HIVEP3: variants seen among roughly 807,000 people sequenced by gnomAD.
The protein encoded by HIVEP3 is HIVEP zinc finger 3, also known as transcription factor HIVEP3.
A neutral mutation model predicts 152.8 loss-of-function variants in HIVEP3; 49 were observed. That is an observed-to-expected ratio of 0.32 (90% CI 0.26 to 0.41). HIVEP3 has a LOEUF of 0.41. HIVEP3 is among the 10% of genes least tolerant of loss of function. The pLI is 1.00. For synonymous variants in HIVEP3, 1,269 were observed against 1,289.0 expected, an observed-to-expected ratio of 0.98 and a Z score of 0.33; for missense variants, 2,790 against 3,103.3, an observed-to-expected ratio of 0.90 and a Z score of 2.40.
intron 2 of HIVEP3, among the ~76,000 whole-genome samples, chr1:41,671,728 C>G (rs531828511): frequency 1.3e-5 from 2 of 152,228 alleles, no homozygotes; most frequent in Non-Finnish European, 2.9e-5. Flanking sequence ...AAGAATTCAT[C>G]CCAGGTGAGT....
chr1:41,696,209 G>A (rs1184990586), intron 2 of HIVEP3, among the ~76,000 whole-genome samples: 1 of 152,246 alleles, frequency 6.6e-6, no homozygotes, highest in Non-Finnish European at 1.5e-5. Context: ...AATGTCTTGG[G>A]AAGTCTCTCT....
At chr1:41,798,188 A>C (rs1650093352) in intron 1 of HIVEP3, among the ~76,000 whole-genome samples, 1 of 152,088 alleles carries the variant, frequency 6.6e-6, no homozygotes, top group Non-Finnish European at 1.5e-5. Flanking sequence ...TACCTAATGT[A>C]AATGACGAGT....
intron 1 of HIVEP3, among the ~76,000 whole-genome samples, chr1:41,904,759 G>A (rs1050186074): frequency 2.0e-5 from 3 of 152,244 alleles, no homozygotes; most frequent in Admixed American, 1.3e-4. Context: ...TTCTTCAAGA[G>A]AGAAAATGGC....
At chr1:41,593,936 A>G (rs1000867006) in intron 3 of HIVEP3, among the ~76,000 whole-genome samples, 6 of 152,144 alleles carry the variant, frequency 3.9e-5, no homozygotes, top group African/African-American at 1.2e-4. Flanking sequence ...TCCTTGGCTC[A>G]TGGAAGGCTC....
chr1:41,611,190 A>G (rs2149132827), intron 3 of HIVEP3, among the ~76,000 whole-genome samples: 1 of 152,340 alleles, frequency 6.6e-6, no homozygotes, highest in African/African-American at 2.4e-5. Flanking sequence ...GAATGGATGA[A>G]TAAACAAACG....
intron 1 of HIVEP3, among the ~76,000 whole-genome samples, chr1:41,711,309 G>A (rs1020324365): frequency 6.6e-6 from 1 of 152,246 alleles, no homozygotes; most frequent in Non-Finnish European, 1.5e-5. Context: ...TGCAAATGCA[G>A]AGCCCATGGC....
chr1:41,526,919 ACACCCTCACATGCT>A (rs1364062001), intron 5 of HIVEP3, among the ~76,000 whole-genome samples: 2 of 130,880 alleles, frequency 1.5e-5, no homozygotes, highest in Admixed American at 7.8e-5. Flanking sequence ...ATCTCCACAC[ACACCCTCACATGCT>A]CACCCTCACA....
In HIVEP3 at chr1:41,808,095, AC is replaced by A. The variant is rs149554614; in HGVS notation, c.-800-107101del. 6.4e-4 allele frequency among the ~76,000 whole-genome samples: 98 copies of A among 152,096 alleles called. 1 individual carries two copies. The East Asian group carries it at 0.018, about 28-fold the overall frequency. ...TTGTCCTAAGCACTTCATAAACACT[AC>A]CCCCATTTAATCTTCACAACAACCC... On this transcript the variant is annotated intron_variant, in intron 1 of 8. Coordinates refer to ENST00000372583, the MANE Select transcript of HIVEP3 (RefSeq NM_024503.5).
At chr1:41,840,084 C>T (rs1003643934) in intron 1 of HIVEP3, among the ~76,000 whole-genome samples, 1 of 152,156 alleles carries the variant, frequency 6.6e-6, no homozygotes, top group Non-Finnish European at 1.5e-5. Flanking sequence ...GAATCCTGAG[C>T]CTGGCTCTCG....
chr1:41,751,611 T>G (rs1647164866), intron 1 of HIVEP3, among the ~76,000 whole-genome samples: 3 of 152,116 alleles, frequency 2.0e-5, no homozygotes, highest in Admixed American at 6.5e-5. Context: ...TTCTTCAACC[T>G]TTCCCCTGTC....
At chr1:41,826,779 G>T (rs570947179) in intron 1 of HIVEP3, among the ~76,000 whole-genome samples, 1 of 152,222 alleles carries the variant, frequency 6.6e-6, no homozygotes, top group African/African-American at 2.4e-5. Context: ...AACCTGTATT[G>T]CTTTAATAAA....
intron 1 of HIVEP3, among the ~76,000 whole-genome samples, chr1:41,893,997 T>G (rs544036836): frequency 6.6e-6 from 1 of 151,640 alleles, no homozygotes; most frequent in Admixed American, 6.6e-5. Flanking sequence ...CTCAGCTCAC[T>G]GCAACCTCCA....
chr1:41,583,736 A>T lies in HIVEP3; in HGVS notation c.1062T>A (p.Pro354=), dbSNP rs750390051. 6.2e-7 allele frequency: 1 copy of T among 1,602,994 alleles called. No homozygotes were observed. The highest frequency in any genetic ancestry group is 2.2e-5 in the East Asian group (1 of 44,780). ...TCTGCTTAATCGTGTGGGTGTCTTC[A>T]GGTTTATGGCTCAGGGGGTGCTCAG... ...PSSEHPLSHK[P]EDTHTIKQKL... is the part of the protein sequence containing the mutation. The change falls in exon 4 of 9, where the codon CCT becomes CCA. Residue 354 remains proline (P), a synonymous_variant. Coordinates refer to ENST00000372583, the MANE Select transcript of HIVEP3 (RefSeq NM_024503.5). The surrounding 1 kb of genome is among the most constrained non-coding windows in gnomAD (Gnocchi z 6.9).
intron 1 of HIVEP3, among the ~76,000 whole-genome samples, chr1:41,984,780 C>T (rs1645312472): frequency 6.6e-6 from 1 of 152,178 alleles, no homozygotes; most frequent in Non-Finnish European, 1.5e-5. Context: ...TCTGAGACAT[C>T]ATTTCATTAT....
chr1:41,970,211 T>G (rs1645221261), intron 1 of HIVEP3, among the ~76,000 whole-genome samples: 2 of 152,180 alleles, frequency 1.3e-5, no homozygotes, highest in Non-Finnish European at 2.9e-5. Context: ...GGAATATAAA[T>G]TATTATATTA....
chr1:41,633,873 A>G (rs985889658), intron 2 of HIVEP3, among the ~76,000 whole-genome samples: 1 of 152,224 alleles, frequency 6.6e-6, no homozygotes, highest in Non-Finnish European at 1.5e-5. Context: ...GCAAGTGAGT[A>G]ATAAACTCAG....
At position 41,510,850 on chromosome 1, in the gene HIVEP3, G is replaced by A. The variant is rs897619061; in HGVS notation, c.6822C>T (p.Tyr2274=). 1.2e-6 allele frequency: 2 copies of A among 1,613,270 alleles called. No individual in the cohort carries two copies. The highest frequency in any genetic ancestry group is 1.3e-5 in the African/African-American group (1 of 75,046). The part of the protein sequence containing the change: ...TLSSELEGGD[Y]PKERERTGGG... ...CGCCGGTCCTCTCCCTCTCCTTGGG[G>A]TAGTCCCCGCCCTCCAGCTCTGAGG... Residue 2274 remains tyrosine, a synonymous_variant, in exon 9 of 9, where the codon TAC becomes TAT. Transcript: ENST00000372583.
intron 1 of HIVEP3, among the ~76,000 whole-genome samples, chr1:41,855,520 C>A (rs951181366): frequency 6.6e-6 from 1 of 152,112 alleles, no homozygotes; most frequent in Non-Finnish European, 1.5e-5. Context: ...AAACAAACAA[C>A]CCCATCAAAA....
chr1:41,654,617 C>T (rs1393231687), intron 2 of HIVEP3, among the ~76,000 whole-genome samples: 1 of 152,228 alleles, frequency 6.6e-6, no homozygotes, highest in Non-Finnish European at 1.5e-5. Context: ...AACATTGGTA[C>T]ATTACTAGTA....
Sources: gnomAD v4.1 joint callset for allele counts (sites outside exome capture counted in the v4.1 genomes callset) on GRCh38, gnomAD v4.1.1 for gene constraint, Gnocchi (gnomAD v3.1) non-coding constraint, MANE v1.5 for transcripts, NCBI Gene and HGNC (gene_info 2026-07-23, HGNC 2026-07-21) for gene names.